The following GPC5 variants were observed in gnomAD, a reference collection of about 807,000 sequenced individuals.
GPC5 encodes glypican 5.
A neutral mutation model predicts 53.9 loss-of-function variants in GPC5; 47 were observed. The ratio of observed to expected loss-of-function variants is 0.87; its 90% CI spans 0.69 to 1.11. The LOEUF (loss-of-function observed/expected upper bound fraction) is 1.11. Ranked by LOEUF, GPC5 falls within the 50% of genes most tolerant of loss-of-function variation. The pLI is 0.00. For missense variants in GPC5, 748 were observed against 713.1 expected (o/e 1.05, Z -0.56); for synonymous variants, 286 against 263.3 (o/e 1.09, Z -0.84).
At chr13:91,826,016 G>A (rs570327387) in intron 5 of GPC5, among the ~76,000 whole-genome samples, 1 of 152,180 alleles carries the variant, frequency 6.6e-6, no homozygotes, top group East Asian at 1.9e-4. Context: ...AGATCGTGAA[G>A]TTAGTCTGGA....
intron 2 of GPC5, among the ~76,000 whole-genome samples, chr13:91,537,534 A>T (rs1277530272): frequency 1.3e-5 from 2 of 152,206 alleles, no homozygotes; most frequent in African/African-American, 4.8e-5. Flanking sequence ...TAAGCAAAAA[A>T]AGTCCCATAA....
intron 6 of GPC5, among the ~76,000 whole-genome samples, chr13:92,118,646 A>C (rs1357405330): frequency 6.6e-6 from 1 of 150,850 alleles, no homozygotes; most frequent in Non-Finnish European, 1.5e-5. Flanking sequence ...CATGGGTTAG[A>C]AAAAAAAGCC....
At chr13:92,512,577 C>A (rs1880613846) in intron 7 of GPC5, among the ~76,000 whole-genome samples, 1 of 152,056 alleles carries the variant, frequency 6.6e-6, no homozygotes, top group Non-Finnish European at 1.5e-5. Context: ...ATTGTAGTAA[C>A]CCAGATGTTG....
At chr13:92,265,950 G>T (rs1166246952) in intron 7 of GPC5, among the ~76,000 whole-genome samples, 2 of 152,224 alleles carry the variant, frequency 1.3e-5, no homozygotes, top group African/African-American at 2.4e-5. Context: ...AAAGGGCAAA[G>T]AGAAGGTGAA....
intron 7 of GPC5, among the ~76,000 whole-genome samples, chr13:92,768,548 T>C (rs532880302): frequency 6.6e-6 from 1 of 152,306 alleles, no homozygotes; most frequent in African/African-American, 2.4e-5. Context: ...GGTTCAAGCA[T>C]GACATTTTAT....
At chr13:92,368,283 C>G (rs903187896) in intron 7 of GPC5, among the ~76,000 whole-genome samples, 3 of 151,710 alleles carry the variant, frequency 2.0e-5, no homozygotes, top group Admixed American at 6.6e-5. Context: ...CCACTCCCAG[C>G]CCTAAAACCT....
intron 7 of GPC5, among the ~76,000 whole-genome samples, chr13:92,539,362 T>G (rs907076242): frequency 2.6e-5 from 4 of 152,054 alleles, no homozygotes; most frequent in African/African-American, 4.8e-5. Context: ...TGATCGCCAC[T>G]CTAACTGGTT....
At chr13:92,829,287 A>G (rs907823541) in intron 7 of GPC5, among the ~76,000 whole-genome samples, 2 of 152,182 alleles carry the variant, frequency 1.3e-5, no homozygotes, top group African/African-American at 2.4e-5. Flanking sequence ...GTATTTCTAG[A>G]AGATGAGTTT....
intron 5 of GPC5, among the ~76,000 whole-genome samples, chr13:91,849,984 G>A (rs1011418531): frequency 2.6e-5 from 4 of 152,140 alleles, no homozygotes; most frequent in African/African-American, 9.7e-5. Context: ...CAAAGATGAG[G>A]CAGGTATTGA....
chr13:92,430,425 C>T (rs1040175121), intron 7 of GPC5, among the ~76,000 whole-genome samples: 18 of 152,088 alleles, frequency 1.2e-4, no homozygotes, highest in East Asian at 7.7e-4. Flanking sequence ...CAGGCAGTAA[C>T]GAAACTCTTC....
At chr13:92,450,196 T>A (rs565168082) in intron 7 of GPC5, among the ~76,000 whole-genome samples, 44 of 152,262 alleles carry the variant, frequency 2.9e-4, no homozygotes, top group African/African-American at 1.1e-3. Flanking sequence ...ACTGGATTCC[T>A]ATCTCCCACG....
chr13:92,119,692 G>T (rs1594770842), intron 6 of GPC5, among the ~76,000 whole-genome samples: 2 of 150,036 alleles, frequency 1.3e-5, no homozygotes, highest in East Asian at 3.9e-4. Context: ...AGTGCTGGGA[G>T]AATTTTAGTT....
chr13:92,171,368 A>G (rs1244900067), intron 7 of GPC5, among the ~76,000 whole-genome samples: 1 of 151,762 alleles, frequency 6.6e-6, no homozygotes, highest in Non-Finnish European at 1.5e-5. Context: ...GTCAATAAAT[A>G]TACTACACAC....
At chr13:92,273,480 T>G (rs1312016827) in intron 7 of GPC5, among the ~76,000 whole-genome samples, 1 of 152,102 alleles carries the variant, frequency 6.6e-6, no homozygotes, top group Non-Finnish European at 1.5e-5. Flanking sequence ...GTGTAAAGTG[T>G]TTGTTCTAAT....
At chr13:92,547,164 A>T (rs907770950) in intron 7 of GPC5, among the ~76,000 whole-genome samples, 5 of 152,200 alleles carry the variant, frequency 3.3e-5, no homozygotes, top group African/African-American at 1.2e-4. Context: ...TTAAATGACA[A>T]AATGAAAGAG....
intron 7 of GPC5, among the ~76,000 whole-genome samples, chr13:92,710,194 T>G (rs1158665337): frequency 6.6e-6 from 1 of 152,228 alleles, no homozygotes; most frequent in African/African-American, 2.4e-5. Flanking sequence ...AGTGTTAATT[T>G]ACAATAATTA....
chr13:92,503,091 T>C (rs963165674), intron 7 of GPC5, among the ~76,000 whole-genome samples: 1 of 151,978 alleles, frequency 6.6e-6, no homozygotes, highest in African/African-American at 2.4e-5. Context: ...TCTGTATAAA[T>C]TTAAGGGGTA....
At chr13:91,674,989 T>C (rs2035348831) in intron 2 of GPC5, among the ~76,000 whole-genome samples, 1 of 152,044 alleles carries the variant, frequency 6.6e-6, no homozygotes, top group African/African-American at 2.4e-5. Context: ...TCATCTAGAC[T>C]AGTCCAGGAG....
Position 92,199,879 on chromosome 13 carries a change from C to T in GPC5, c.1561+54890C>T, listed in dbSNP as rs545194324. ...GACTGCTGTATATAACATCGTGTCT[C>T]AGGAATTTCTTTGAGAAAATAGGTA... On this transcript the variant is annotated intron_variant, in intron 7 of 7. Transcript: ENST00000377067. 2.4e-4 allele frequency among the ~76,000 whole-genome samples: 36 copies of T among 152,240 alleles called. 1 individual carries two copies. Among genetic ancestry groups the T allele is most frequent in the Admixed American group, 2.4e-3 (36 of 15,296 alleles).
Sources: gnomAD v4.1 joint callset for allele counts (sites outside exome capture counted in the v4.1 genomes callset) on GRCh38, gnomAD v4.1.1 for gene constraint, MANE v1.5 for transcripts, NCBI Gene and HGNC (gene_info 2026-07-23, HGNC 2026-07-21) for gene names.